PIK3R1: variants seen among roughly 807,000 people sequenced by gnomAD.
The protein encoded by PIK3R1 is phosphoinositide-3-kinase regulatory subunit 1.
A neutral mutation model predicts 98.0 loss-of-function variants in PIK3R1; 29 were observed. That is an observed-to-expected ratio of 0.30 (90% CI 0.22 to 0.40). The LOEUF (loss-of-function observed/expected upper bound fraction) is 0.40, where lower values mean the gene tolerates loss of function less well. Ranked by LOEUF, PIK3R1 falls within the 10% of genes least tolerant of loss-of-function variation. PIK3R1 has a pLI of 1.00. For synonymous variants in PIK3R1, 282 were observed against 311.8 expected (o/e 0.90, Z 1.01); for missense variants, 596 against 872.7 (o/e 0.68, Z 3.99).
intron 7 of PIK3R1, chr5:68,288,634 G>A (rs888388172): frequency 2.5e-6 from 4 of 1,594,416 alleles, no homozygotes; most frequent in Admixed American, 1.7e-5. Context: ...GGAACAGGCT[G>A]GGGGGAGGTG....
At chr5:68,216,139 C>T (rs1743865228) in intron 1 of PIK3R1, among the ~76,000 whole-genome samples, 190 bp downstream of exon 1, 1 of 151,912 alleles carries the variant, frequency 6.6e-6, no homozygotes, top group South Asian at 2.1e-4. Context: ...GGCAGCACTA[C>T]CCCCGCGCGC....
intron 2 of PIK3R1, among the ~76,000 whole-genome samples, chr5:68,247,115 G>C (rs1745129447): frequency 6.6e-6 from 1 of 152,196 alleles, no homozygotes; most frequent in Non-Finnish European, 1.5e-5. Flanking sequence ...AAGGGGCTTG[G>C]AAATATGTGA....
chr5:68,245,769 A>C (rs559851290), intron 2 of PIK3R1, among the ~76,000 whole-genome samples: 1 of 152,256 alleles, frequency 6.6e-6, no homozygotes, highest in African/African-American at 2.4e-5. Context: ...TTGTTTAGCC[A>C]CAGAAAATAA....
intron 1 of PIK3R1, among the ~76,000 whole-genome samples, chr5:68,225,930 A>G (rs1744256651): frequency 1.3e-5 from 2 of 152,160 alleles, no homozygotes; most frequent in Non-Finnish European, 1.5e-5. Context: ...TTCTGTCTTC[A>G]GATTCCTGCA....
At chr5:68,283,298 G>A (rs896530155) in intron 7 of PIK3R1, among the ~76,000 whole-genome samples, 2 of 152,200 alleles carry the variant, frequency 1.3e-5, no homozygotes, top group Non-Finnish European at 2.9e-5. Flanking sequence ...TTACCAGATA[G>A]AACTTGAAAT....
Position 68,293,764 on chromosome 5 carries a change from A to G in PIK3R1, c.1355A>G (p.Tyr452Cys). ...GCTGTAGGGAAAAAATTACATGAAT[A>G]TAACACTCAGTTTCAAGAAAAAAGT... ...IEAVGKKLHE[Y>C]NTQFQEKSRE... Residue 452 changes from tyrosine to cysteine, a missense_variant, in exon 11 of 16, where the codon TAT (tyrosine) becomes TGT (cysteine). Transcript: ENST00000521381. 6.5e-7 allele frequency: 1 copy of G among 1,544,610 alleles called. No individual in the cohort carries two copies. Among genetic ancestry groups the G allele is most frequent in the Non-Finnish European group, 8.9e-7 (1 of 1,124,304 alleles).
intron 2 of PIK3R1, among the ~76,000 whole-genome samples, chr5:68,235,665 C>T (rs1744638280): frequency 1.3e-5 from 2 of 151,704 alleles, no homozygotes; most frequent in Non-Finnish European, 2.9e-5. Flanking sequence ...GAAGTTAGAA[C>T]AAGATGATTT....
At chr5:68,285,845 A>C (rs1284133808) in intron 7 of PIK3R1, among the ~76,000 whole-genome samples, 1 of 152,204 alleles carries the variant, frequency 6.6e-6, no homozygotes, top group East Asian at 1.9e-4. Context: ...AGACCAGTGG[A>C]TATGGAGCAA....
chr5:68,262,355 G>A (rs186511583), intron 2 of PIK3R1, among the ~76,000 whole-genome samples: 2 of 147,078 alleles, frequency 1.4e-5, no homozygotes, highest in African/African-American at 5.0e-5. Flanking sequence ...GAATCTTTTT[G>A]AGAACATGAC....
chr5:68,295,749 C>T, intron 14 of PIK3R1: 1 of 505,534 alleles, frequency 2.0e-6, no homozygotes, highest in Middle Eastern at 5.1e-4. Flanking sequence ...TCTGAAAAAT[C>T]CCAAAATATT....
At chr5:68,293,020 T>TA (rs1747479274) in intron 8 of PIK3R1, 81 bp from the exon 9 acceptor site, 2 of 1,204,038 alleles carry the variant, frequency 1.7e-6, no homozygotes, top group East Asian at 5.0e-5. Flanking sequence ...AAAACTGCTC[T>TA]AAAAAATAGC....
intron 4 of PIK3R1, among the ~76,000 whole-genome samples, chr5:68,276,098 C>T (rs539471055): frequency 4.5e-4 from 68 of 152,046 alleles, no homozygotes; most frequent in Non-Finnish European, 9.0e-4. Flanking sequence ...TTTAATTTTG[C>T]CCTAAAATGA....
chr5:68,280,312 C>T (rs1274349973), intron 5 of PIK3R1: 1 of 575,628 alleles, frequency 1.7e-6, no homozygotes, highest in East Asian at 2.8e-5. Context: ...TCTTTACACA[C>T]TGAGCTTTTT....
intron 4 of PIK3R1, among the ~76,000 whole-genome samples, chr5:68,278,727 G>C (rs1484602555): frequency 6.6e-6 from 1 of 152,068 alleles, no homozygotes; most frequent in Non-Finnish European, 1.5e-5. Flanking sequence ...GGATCACGAG[G>C]TCAGGAGTTT....
At chr5:68,279,406 G>A (rs1407164709) in intron 4 of PIK3R1, among the ~76,000 whole-genome samples, 196 bp from the exon 5 acceptor site, 2 of 152,022 alleles carry the variant, frequency 1.3e-5, no homozygotes, top group Admixed American at 6.6e-5. Flanking sequence ...AGGAAAAATT[G>A]TTCTACCCCA....
Position 68,281,041 on chromosome 5 carries a change from G to A in PIK3R1, c.916+35G>A, listed in dbSNP as rs747641745. The A allele has an allele frequency of 2.6e-5, 38 of 1,441,222 alleles. No homozygotes were observed. In the South Asian group the frequency reaches 4.3e-4, roughly 16 times the overall value. 89.3% of individuals were successfully genotyped at this position (1,441,222 alleles called of 1,614,324 possible). A position where few individuals can be genotyped will look rare whatever the true frequency, so the allele number is the denominator to read the frequency against. On this transcript the variant is annotated intron_variant, in intron 7 of 15. Coordinates refer to ENST00000521381, the MANE Select transcript of PIK3R1 (RefSeq NM_181523.3). Reference sequence around the variant, plus strand: ...TTTGAGCATTTAACATTCTCTCATTGTTCATTTTTTAGAGCCTTAAAAAAT... The same window carrying A: ...TTTGAGCATTTAACATTCTCTCATTATTCATTTTTTAGAGCCTTAAAAAAT...
rs77975365 is a variant in PIK3R1, at chr5:68,301,103, A to G, written c.*3502A>G. On this transcript the variant is annotated 3_prime_UTR_variant, in exon 16 of 16. Transcript: ENST00000521381. ...TATGTATGGTATCCAAGTTAGTTGAAACGCAGACACTGAGATCTGTTTGAG... is the reference window on the plus strand; with the variant it reads ...TATGTATGGTATCCAAGTTAGTTGAGACGCAGACACTGAGATCTGTTTGAG... The G allele has an allele frequency of 8.3e-3, 1,921 of 230,456 alleles. 35 individuals are homozygous for G. Among genetic ancestry groups the G allele is most frequent in the African/African-American group, 0.04 (1,822 of 45,232 alleles). The allele number at this position is 230,456 out of a possible 1,614,324, so 14.3% of individuals were successfully genotyped here. A position where few individuals can be genotyped will look rare whatever the true frequency, so the allele number is the denominator to read the frequency against.
At chr5:68,219,923 A>T (rs1190210229) in intron 1 of PIK3R1, among the ~76,000 whole-genome samples, 7 of 152,178 alleles carry the variant, frequency 4.6e-5, no homozygotes, top group Admixed American at 4.6e-4. Flanking sequence ...TTGTTTTCTC[A>T]TCTGTAAAAT....
At chr5:68,243,290 A>G (rs772691919) in intron 2 of PIK3R1, among the ~76,000 whole-genome samples, 11 of 152,236 alleles carry the variant, frequency 7.2e-5, no homozygotes, top group Non-Finnish European at 1.0e-4. Context: ...TATAATTTTG[A>G]TTAAGAAAAG....
Sources: gnomAD v4.1 joint callset for allele counts (sites outside exome capture counted in the v4.1 genomes callset) on GRCh38, gnomAD v4.1.1 for gene constraint, MANE v1.5 for transcripts, NCBI Gene and HGNC (gene_info 2026-07-23, HGNC 2026-07-21) for gene names.